Variants in IFT140 observed in about 807,000 individuals in gnomAD.
IFT140 encodes the protein intraflagellar transport 140, also known as intraflagellar transport protein 140 homolog.
Under a neutral mutation model 164.6 loss-of-function variants are expected in IFT140, and 133 were observed. The observed-to-expected ratio is 0.81, with a 90% CI of 0.70 to 0.93. The LOEUF (loss-of-function observed/expected upper bound fraction) is 0.93. Among genes scored for constraint, IFT140 ranks in the 40% least tolerant of loss-of-function variants. The pLI is 0.00. For synonymous variants in IFT140, 860 were observed against 817.3 expected (o/e 1.05, Z -0.89); for missense variants, 2,045 against 1,972.3 (o/e 1.04, Z -0.70).
At position 1,596,715 on chromosome 16, in the gene IFT140, T is replaced by C. The variant is rs138210043; in HGVS notation, c.370-4127A>G. On this transcript the variant is annotated intron_variant, in intron 4 of 30. Coordinates refer to ENST00000426508, the MANE Select transcript of IFT140 (RefSeq NM_014714.4). ...AGGTTTCTGCCCAACGATCCTGGAA[T>C]GTGAGCATGAAGTACAAGACGTAGA... Among the ~76,000 whole-genome samples the C allele has an allele frequency of 2.6e-4, 40 of 152,204 alleles. No individual in the cohort carries two copies. The East Asian group carries it at 7.6e-3, about 29-fold the overall frequency.
chr16:1,564,003 G>T lies in IFT140; in HGVS notation c.2061C>A (p.Gly687=). ...ANGQPQDGRA[G]PAADVLILSF... Reference sequence around the variant, plus strand: ...TACAACAGGCAGAGCGTACCGCAGGGCCAGCGCGCCCATCTTGGGGCTGCC... The same window carrying T: ...TACAACAGGCAGAGCGTACCGCAGGTCCAGCGCGCCCATCTTGGGGCTGCC... The change falls in exon 17 of 31, where the codon GGC becomes GGA. Residue 687 remains glycine, a synonymous_variant. Coordinates refer to ENST00000426508, the MANE Select transcript of IFT140 (RefSeq NM_014714.4). The surrounding 1 kb of genome is among the most constrained non-coding windows in gnomAD (Gnocchi z 5.5). The T allele has an allele frequency of 6.3e-7, 1 of 1,579,394 alleles. No homozygotes were observed. The highest frequency in any genetic ancestry group is 8.7e-7 in the Non-Finnish European group (1 of 1,155,068).
intron 19 of IFT140, among the ~76,000 whole-genome samples, chr16:1,550,279 G>C (rs2032526917): frequency 1.3e-5 from 2 of 152,200 alleles, no homozygotes; most frequent in Non-Finnish European, 2.9e-5. Context: ...CTTGGAAGCA[G>C]ACAGATGCTC....
chr16:1,520,439 AG>A, intron 27 of IFT140, 96 bp from the exon 28 acceptor site: 1 of 1,416,880 alleles, frequency 7.1e-7, no homozygotes. Flanking sequence ...AGAGTGGCTC[AG>A]GGCTGCCCGG....
intron 16 of IFT140, among the ~76,000 whole-genome samples, chr16:1,565,905 A>G (rs2141565567): frequency 6.6e-6 from 1 of 152,350 alleles, no homozygotes; most frequent in Non-Finnish European, 1.5e-5. Context: ...CCACTTCTAC[A>G]GATTCCCGGC....
intron 3 of IFT140, among the ~76,000 whole-genome samples, chr16:1,603,437 TGTG>T (rs1033829286): frequency 6.6e-6 from 1 of 152,130 alleles, no homozygotes; most frequent in African/African-American, 2.4e-5. Flanking sequence ...GGCTGTGTGA[TGTG>T]GTGATGTCAC....
chr16:1,576,072 G>C lies in IFT140; in HGVS notation c.1525-4538C>G, dbSNP rs192072387. Among the ~76,000 whole-genome samples, 674 of 151,892 alleles carry C rather than the reference G, an allele frequency of 4.4e-3. 4 individuals carry two copies. Among genetic ancestry groups the C allele is most frequent in the Non-Finnish European group, 5.7e-3 (386 of 67,982 alleles). On this transcript the variant is annotated intron_variant, in intron 13 of 30. Transcript: ENST00000426508. ...AGACTGAGGCGGGTGGATCACCTGA[G>C]GTCAGAAGTTTGAGACCAGTCTGAC...
rs983260338 is a variant in IFT140, at chr16:1,553,071, T to C, written c.2399+4864A>G. On this transcript the variant is annotated intron_variant, in intron 19 of 30. Coordinates refer to ENST00000426508, the MANE Select transcript of IFT140 (RefSeq NM_014714.4). The surrounding 1 kb of genome is among the most constrained non-coding windows in gnomAD (Gnocchi z 4.4). ...GTCACTGTCATTGTTCAGGACAAAATGGAGATAGATAAATGCTTAATTCAT... is the reference window on the plus strand; with the variant it reads ...GTCACTGTCATTGTTCAGGACAAAACGGAGATAGATAAATGCTTAATTCAT... 1.6e-5 allele frequency: 16 copies of C among 985,302 alleles called. No homozygotes were observed. Among genetic ancestry groups the C allele is most frequent in the African/African-American group, 3.5e-5 (2 of 57,230 alleles). 61.0% of individuals were successfully genotyped at this position (985,302 alleles called of 1,614,324 possible). A position where few individuals can be genotyped will look rare whatever the true frequency, so the allele number is the denominator to read the frequency against.
chr16:1,526,981 G>C (rs142088238), intron 19 of IFT140, 185 bp from the exon 20 acceptor site: 4 of 600,198 alleles, frequency 6.7e-6, no homozygotes, highest in African/African-American at 1.9e-5. Context: ...TGCCCGTCAC[G>C]AGTCCCACGG....
intron 19 of IFT140, among the ~76,000 whole-genome samples, chr16:1,529,110 G>A (rs2030160346): frequency 6.6e-6 from 1 of 152,200 alleles, no homozygotes; most frequent in Non-Finnish European, 1.5e-5. Flanking sequence ...GCCCGCTCCC[G>A]AAAGCCAGCA....
Position 1,564,005 on chromosome 16 carries a change from C to A in IFT140, c.2059G>T (p.Gly687Cys). ...CAACAGGCAGAGCGTACCGCAGGGCCAGCGCGCCCATCTTGGGGCTGCCCG... is the reference window on the plus strand; with the variant it reads ...CAACAGGCAGAGCGTACCGCAGGGCAAGCGCGCCCATCTTGGGGCTGCCCG... ...ANGQPQDGRA[G>C]PAADVLILSF... The change falls in exon 17 of 31, where the codon GGC becomes TGC. Residue 687 changes from glycine to cysteine, a missense_variant. Gly to Cys is a radical substitution (Grantham distance 159). Coordinates refer to ENST00000426508, the MANE Select transcript of IFT140 (RefSeq NM_014714.4). The surrounding 1 kb of genome is among the most constrained non-coding windows in gnomAD (Gnocchi z 5.5). 1 of 1,580,764 alleles carries A rather than the reference C, an allele frequency of 6.3e-7. No homozygotes were observed.
intron 20 of IFT140, 52 bp from the exon 21 acceptor site, chr16:1,526,129 C>A: frequency 6.7e-7 from 1 of 1,497,336 alleles, no homozygotes; most frequent in South Asian, 1.3e-5. Flanking sequence ...ACCCACGTCT[C>A]AAACACACTG....
chr16:1,575,482 G>A lies in IFT140; in HGVS notation c.1525-3948C>T, dbSNP rs565931359. Among the ~76,000 whole-genome samples the A allele has an allele frequency of 3.3e-5, 5 of 152,230 alleles. No homozygotes were observed. In the South Asian group the frequency reaches 1.0e-3, roughly 32 times the overall value. On this transcript the variant is annotated intron_variant, in intron 13 of 30. Transcript: ENST00000426508. Reference sequence around the variant, plus strand: ...GTGGGAGGATCGCTTGAGCCCAGGAGGTCAAGACTGCAGTGAGCTATGATT... The same window carrying A: ...GTGGGAGGATCGCTTGAGCCCAGGAAGTCAAGACTGCAGTGAGCTATGATT...
At chr16:1,592,732 G>A in intron 4 of IFT140, 144 bp from the exon 5 acceptor site, 1 of 1,317,292 alleles carries the variant, frequency 7.6e-7, no homozygotes, top group Non-Finnish European at 1.0e-6. Context: ...CCGGCAGAGT[G>A]ACTGGTGGAG....
intron 3 of IFT140, 80 bp from the exon 4 acceptor site, chr16:1,602,671 G>A: frequency 1.5e-6 from 2 of 1,337,288 alleles, no homozygotes; most frequent in Non-Finnish European, 2.1e-6. Context: ...GCCGGGCACG[G>A]CGGCTCACTC....
rs555242920 is a variant in IFT140 at position 1,530,282 on chromosome 16, G to A, written c.2400-3486C>T. Among the ~76,000 whole-genome samples, 9 of 151,734 alleles carry A rather than the reference G, an allele frequency of 5.9e-5. No homozygotes were observed. In the South Asian group the frequency reaches 6.3e-4, roughly 11 times the overall value. ...CGAGTAGTTGGGACTACAGGCATGCGCCACCACACCCAGCTAATTTTTGTA... is the reference window on the plus strand; with the variant it reads ...CGAGTAGTTGGGACTACAGGCATGCACCACCACACCCAGCTAATTTTTGTA... On this transcript the variant is annotated intron_variant, in intron 19 of 30. Coordinates refer to ENST00000426508, the MANE Select transcript of IFT140 (RefSeq NM_014714.4).
chr16:1,599,185 C>T (rs1184950151), intron 4 of IFT140, among the ~76,000 whole-genome samples: 1 of 82,354 alleles, frequency 1.2e-5, no homozygotes, highest in Non-Finnish European at 2.2e-5. Flanking sequence ...TGGCAACCAC[C>T]CCATCTGAGA....
In IFT140 at chr16:1,553,817, G is replaced by C; in HGVS notation, c.2399+4118C>G. ...GAGCCTATGTTTCCAGCTGGATTAG[G>C]ACGCCCGGCTCCATCGCTGCGGCCA... On this transcript the variant is annotated intron_variant, in intron 19 of 30. Transcript: ENST00000426508. The surrounding 1 kb of genome is among the most constrained non-coding windows in gnomAD (Gnocchi z 4.4). 7 of 1,203,066 alleles carry C rather than the reference G, an allele frequency of 5.8e-6. No homozygotes were observed. The highest frequency in any genetic ancestry group is 7.4e-6 in the Non-Finnish European group (7 of 948,318). The allele number at this position is 1,203,066 out of a possible 1,614,324, so 74.5% of individuals were successfully genotyped here.
At chr16:1,572,206 G>A (rs1377723610) in intron 13 of IFT140, among the ~76,000 whole-genome samples, 2 of 152,350 alleles carry the variant, frequency 1.3e-5, no homozygotes, top group Non-Finnish European at 1.5e-5. Flanking sequence ...CAGGCTGAGG[G>A]GAAGAGTGAG....
intron 14 of IFT140, among the ~76,000 whole-genome samples, chr16:1,569,198 G>A (rs1412909684): frequency 5.3e-5 from 8 of 151,788 alleles, no homozygotes; most frequent in Non-Finnish European, 1.0e-4. Context: ...TAGTAGAGAC[G>A]GGGTTTCACC....
Sources: allele counts gnomAD v4.1 joint callset (sites outside exome capture counted in the v4.1 genomes callset), GRCh38; gene constraint gnomAD v4.1.1; non-coding constraint Gnocchi (gnomAD v3.1); transcripts MANE v1.5; gene names NCBI Gene and HGNC (gene_info 2026-07-23, HGNC 2026-07-21).